PTPRZ1: variants seen among roughly 807,000 people sequenced by gnomAD.
PTPRZ1 encodes the protein receptor-type tyrosine-protein phosphatase zeta.
PTPRZ1 carries 82 observed loss-of-function variants against 214.1 expected under a neutral mutation model. That is an observed-to-expected ratio of 0.38 (90% CI 0.32 to 0.46). The LOEUF (loss-of-function observed/expected upper bound fraction) is 0.46. Ranked by LOEUF, PTPRZ1 falls within the 20% of genes least tolerant of loss-of-function variation. PTPRZ1 has a pLI of 1.00. For synonymous variants in PTPRZ1, 945 were observed against 987.9 expected (o/e 0.96, Z 0.81); for missense variants, 2,603 against 2,748.7 (o/e 0.95, Z 1.19).
chr7:121,945,875 G>A (rs1796357019), intron 2 of PTPRZ1, among the ~76,000 whole-genome samples: 1 of 152,124 alleles, frequency 6.6e-6, no homozygotes, highest in Non-Finnish European at 1.5e-5. Flanking sequence ...TAGTGATGGG[G>A]TAATTTTCTC....
At chr7:122,026,336 T>C (rs1799206591) in intron 13 of PTPRZ1, among the ~76,000 whole-genome samples, 1 of 152,202 alleles carries the variant, frequency 6.6e-6, no homozygotes, top group Non-Finnish European at 1.5e-5. Context: ...TGAAATATTT[T>C]TTAAAACATT....
At chr7:121,954,301 C>T (rs1220527143) in intron 2 of PTPRZ1, among the ~76,000 whole-genome samples, 1 of 152,160 alleles carries the variant, frequency 6.6e-6, no homozygotes, top group African/African-American at 2.4e-5. Flanking sequence ...CTTGTTCTGG[C>T]ATGCAAAGCC....
At chr7:122,014,957 T>C (rs1407406703) in intron 12 of PTPRZ1, among the ~76,000 whole-genome samples, 1 of 152,206 alleles carries the variant, frequency 6.6e-6, no homozygotes, top group East Asian at 1.9e-4. Flanking sequence ...TATGTATAGG[T>C]ATTGTATCAC....
intron 1 of PTPRZ1, among the ~76,000 whole-genome samples, chr7:121,892,861 C>A (rs200604350): frequency 6.6e-6 from 1 of 151,432 alleles, no homozygotes; most frequent in Non-Finnish European, 1.5e-5. Context: ...CCAAATATAT[C>A]ATTTTCTGCA....
At position 122,012,144 on chromosome 7, in the gene PTPRZ1, T is replaced by C; in HGVS notation, c.3098T>C (p.Val1033Ala). The C allele has an allele frequency of 1.9e-6, 3 of 1,613,916 alleles. No individual in the cohort carries two copies. The highest frequency in any genetic ancestry group is 1.1e-5 in the South Asian group (1 of 91,062). Residue 1033 changes from valine to alanine, a missense_variant, in exon 12 of 30, where the codon GTG becomes GCG. Transcript: ENST00000393386. ...GCTGAATTTACATATACAACATCTG[T>C]GTTTGGTGATGATAATAAGGCGCTT... The part of the protein sequence containing the change: ...SVAEFTYTTS[V>A]FGDDNKALSK...
chr7:121,899,953 G>C (rs1794909736), intron 1 of PTPRZ1, among the ~76,000 whole-genome samples: 1 of 152,148 alleles, frequency 6.6e-6, no homozygotes, highest in South Asian at 2.1e-4. Flanking sequence ...GGCCTGCAAA[G>C]CTATTGGAAT....
chr7:121,899,483 A>G (rs373416936), intron 1 of PTPRZ1, among the ~76,000 whole-genome samples: 1 of 152,172 alleles, frequency 6.6e-6, no homozygotes, highest in African/African-American at 2.4e-5. Flanking sequence ...TGTTCTATAT[A>G]TCTTTGAAGT....
chr7:122,036,569 T>C (rs1336020585), intron 17 of PTPRZ1, 31 bp from the exon 18 acceptor site: 1 of 1,422,474 alleles, frequency 7.0e-7, no homozygotes, highest in Admixed American at 1.7e-5. Context: ...TAGTCTGTGC[T>C]ACAATGAAAT....
At chr7:121,873,689 C>T (rs368451054) in intron 1 of PTPRZ1, 132 bp downstream of exon 1, 18 of 1,146,190 alleles carry the variant, frequency 1.6e-5, no homozygotes, top group East Asian at 1.2e-4. Context: ...GCCAACTGGG[C>T]TCCCACGGAG....
intron 23 of PTPRZ1, among the ~76,000 whole-genome samples, chr7:122,044,897 GAA>G (rs113395156): frequency 1.4e-5 from 2 of 145,042 alleles, no homozygotes; most frequent in East Asian, 2.0e-4. Context: ...TTTTTACTTT[GAA>G]AAAAAAAAAC....
chr7:122,002,147 C>G (rs943402703), intron 10 of PTPRZ1, among the ~76,000 whole-genome samples: 2 of 152,174 alleles, frequency 1.3e-5, no homozygotes, highest in Admixed American at 6.5e-5. Context: ...AACAATCTTC[C>G]AAATTATTTT....
At chr7:121,878,101 GA>G (rs1297399860) in intron 1 of PTPRZ1, among the ~76,000 whole-genome samples, 3 of 151,966 alleles carry the variant, frequency 2.0e-5, no homozygotes, top group East Asian at 3.9e-4. Flanking sequence ...AGAAATTAAA[GA>G]AATTAAAGAA....
intron 23 of PTPRZ1, among the ~76,000 whole-genome samples, chr7:122,044,954 C>T (rs765597440): frequency 2.0e-5 from 3 of 151,666 alleles, no homozygotes; most frequent in Non-Finnish European, 2.9e-5. Context: ...GTTCCTGATA[C>T]TCTTTGGAAA....
At chr7:121,911,550 C>G (rs1028183943) in intron 1 of PTPRZ1, among the ~76,000 whole-genome samples, 20 of 152,044 alleles carry the variant, frequency 1.3e-4, no homozygotes, top group African/African-American at 4.8e-4. Context: ...TGATGCACAT[C>G]TTTAGCAAAT....
intron 15 of PTPRZ1, among the ~76,000 whole-genome samples, chr7:122,033,580 G>A (rs977032535): frequency 3.3e-5 from 5 of 151,942 alleles, no homozygotes; most frequent in Non-Finnish European, 5.9e-5. Flanking sequence ...ATGATGTAAT[G>A]TGTATGATTT....
intron 1 of PTPRZ1, among the ~76,000 whole-genome samples, chr7:121,880,942 G>A (rs533906859): frequency 5.3e-5 from 8 of 152,220 alleles, no homozygotes; most frequent in Admixed American, 2.0e-4. Context: ...GCACAAAAAC[G>A]CTGACAACCA....
At chr7:122,008,242 G>A (rs75735291) in intron 11 of PTPRZ1, among the ~76,000 whole-genome samples, 3,449 of 152,174 alleles carry the variant, frequency 0.023, 38 homozygotes, top group Middle Eastern at 0.034. Flanking sequence ...TAGAGAAAAT[G>A]GATGACATAT....
chr7:121,928,430 C>A (rs1795828459), intron 2 of PTPRZ1, among the ~76,000 whole-genome samples: 1 of 152,064 alleles, frequency 6.6e-6, no homozygotes, highest in Admixed American at 6.6e-5. Flanking sequence ...TTATTGACAT[C>A]CACCCAAACT....
At chr7:122,015,227 A>G (rs1798810087) in intron 12 of PTPRZ1, among the ~76,000 whole-genome samples, 1 of 152,162 alleles carries the variant, frequency 6.6e-6, no homozygotes, top group Admixed American at 6.5e-5. Flanking sequence ...TTAAAGTTTA[A>G]TAATGAAACT....
Sources: gnomAD v4.1 joint callset for allele counts (sites outside exome capture counted in the v4.1 genomes callset) on GRCh38, gnomAD v4.1.1 for gene constraint, MANE v1.5 for transcripts, NCBI Gene and HGNC (gene_info 2026-07-23, HGNC 2026-07-21) for gene names.